ATXN10: variants seen among roughly 807,000 people sequenced by gnomAD.
ATXN10 encodes the protein ataxin-10.
Under a neutral mutation model 52.9 loss-of-function variants are expected in ATXN10, and 28 were observed. The ratio of observed to expected loss-of-function variants is 0.53; its 90% confidence interval spans 0.39 to 0.73. The LOEUF (loss-of-function observed/expected upper bound fraction) is 0.73, where lower values mean the gene tolerates loss of function less well. ATXN10 is among the 30% of genes least tolerant of loss of function. The pLI, the probability that ATXN10 is intolerant of heterozygous loss-of-function variation, is 0.00. For missense variants in ATXN10, 565 were observed against 577.0 expected, an observed-to-expected ratio of 0.98 and a Z score of 0.21; for synonymous variants, 226 against 221.5, an observed-to-expected ratio of 1.02 and a Z score of -0.18.
rs1477959584 is a variant in ATXN10, at chr22:45,681,994, A to C, written c.117-7718A>C. Among the ~76,000 whole-genome samples, 1 of 152,064 alleles carries C rather than the reference A, an allele frequency of 6.6e-6. No homozygotes were observed. Among genetic ancestry groups the C allele is most frequent in the Admixed American group, 6.6e-5 (1 of 15,262 alleles). On this transcript the variant is annotated intron_variant, in intron 1 of 11. Transcript: ENST00000252934. This position sits in a 1 kb window ranked among gnomAD's most constrained non-coding sequence, Gnocchi z 4.2. ...GATTAGCGATCTTGCTCTGAATATG[A>C]GCTCCCCTTAAGTTTGCACTAAATT...
intron 5 of ATXN10, among the ~76,000 whole-genome samples, chr22:45,716,358 G>T (rs1391791659): frequency 2.2e-5 from 3 of 135,894 alleles, no homozygotes; most frequent in Non-Finnish European, 4.6e-5. Context: ...ATAGAGTCTT[G>T]CTCTGTCGCC....
intron 7 of ATXN10, among the ~76,000 whole-genome samples, chr22:45,734,829 A>C (rs995564675): frequency 3.3e-5 from 5 of 150,728 alleles, no homozygotes; most frequent in Non-Finnish European, 5.9e-5. Context: ...TGGAAAAGTT[A>C]CTTAGCCTCT....
rs1436393016 is a variant in ATXN10 at position 45,750,740 on chromosome 22, C to G, written c.1173+10202C>G. ...AAGTTTATAGGTTAGTGGAGGCAGACATAGTTTCCAAACAGACCCAGGAGA... is the reference window on the plus strand; with the variant it reads ...AAGTTTATAGGTTAGTGGAGGCAGAGATAGTTTCCAAACAGACCCAGGAGA... On this transcript the variant is annotated intron_variant, in intron 9 of 11. Transcript: ENST00000252934. This position sits in a 1 kb window ranked among gnomAD's most constrained non-coding sequence, Gnocchi z 4.2. Among the ~76,000 whole-genome samples the G allele has an allele frequency of 6.6e-6, 1 of 152,086 alleles. No homozygotes were observed. The highest frequency in any genetic ancestry group is 1.5e-5 in the Non-Finnish European group (1 of 68,028).
At chr22:45,807,976 A>C (rs890510952) in intron 10 of ATXN10, among the ~76,000 whole-genome samples, 4 of 152,244 alleles carry the variant, frequency 2.6e-5, no homozygotes, top group African/African-American at 9.6e-5. Flanking sequence ...TTTCAAAGTA[A>C]GTAGACTGAG....
At position 45,826,295 on chromosome 22, in the gene ATXN10, C is replaced by G. The variant is rs1015553887; in HGVS notation, c.1238-16696C>G. ...AAGGTTGTAGAAAAGTGAACAGAGCCTAAGGGATATGTGGAACACCATCAA... is the reference window on the plus strand; with the variant it reads ...AAGGTTGTAGAAAAGTGAACAGAGCGTAAGGGATATGTGGAACACCATCAA... On this transcript the variant is annotated intron_variant, in intron 10 of 11. Transcript: ENST00000252934. This position sits in a 1 kb window ranked among gnomAD's most constrained non-coding sequence, Gnocchi z 5.0. Among the ~76,000 whole-genome samples, 18 of 152,120 alleles carry G rather than the reference C, an allele frequency of 1.2e-4. No homozygotes were observed. Among genetic ancestry groups the G allele is most frequent in the Admixed American group, 7.2e-4 (11 of 15,290 alleles).
chr22:45,763,030 C>T lies in ATXN10; in HGVS notation c.1173+22492C>T, dbSNP rs746083327. ...GCATTTAAGAAGCGCTTTGTAAAGC[C>T]ATGGCCTCTCCTGCGCAAAGAACTG... On this transcript the variant is annotated intron_variant, in intron 9 of 11. Transcript: ENST00000252934. This position sits in a 1 kb window ranked among gnomAD's most constrained non-coding sequence, Gnocchi z 6.9. Among the ~76,000 whole-genome samples the T allele has an allele frequency of 2.0e-5, 3 of 152,212 alleles. No individual in the cohort carries two copies. The highest frequency in any genetic ancestry group is 2.9e-5 in the Non-Finnish European group (2 of 68,042).
At chr22:45,687,048 A>G (rs1923172512) in intron 1 of ATXN10, among the ~76,000 whole-genome samples, 1 of 152,176 alleles carries the variant, frequency 6.6e-6, no homozygotes, top group South Asian at 2.1e-4. Flanking sequence ...TGTGCCAAAT[A>G]GATGCTGTCA....
At chr22:45,758,750 T>G (rs908977480) in intron 9 of ATXN10, among the ~76,000 whole-genome samples, 1 of 152,234 alleles carries the variant, frequency 6.6e-6, no homozygotes, top group African/African-American at 2.4e-5. Flanking sequence ...TAGAGCAGTA[T>G]GCGATGTTTT....
At chr22:45,736,405 A>G (rs1925297936) in intron 7 of ATXN10, among the ~76,000 whole-genome samples, 1 of 152,168 alleles carries the variant, frequency 6.6e-6, no homozygotes, top group East Asian at 1.9e-4. Context: ...TATCAAATAA[A>G]TAGTATTCAG....
chr22:45,727,331 A>ATCTATATCTATCTATCTATC lies in ATXN10; in HGVS notation c.729-2093_729-2092insCTATATCTATCTATCTATCT, dbSNP rs1555890579. Among the ~76,000 whole-genome samples, 1 of 146,678 alleles carries ATCTATATCTATCTATCTATC rather than the reference A, an allele frequency of 6.8e-6. No individual in the cohort carries two copies. The highest frequency in any genetic ancestry group is 6.9e-5 in the Admixed American group (1 of 14,588). On this transcript the variant is annotated intron_variant, in intron 6 of 11. Coordinates refer to ENST00000252934, the MANE Select transcript of ATXN10 (RefSeq NM_013236.4). This position sits in a 1 kb window ranked among gnomAD's most constrained non-coding sequence, Gnocchi z 4.6. ...GTTCTGTCTGTCTGTCTATCTATCT[A>ATCTATATCTATCTATCTATC]TATCTATCTATCTATCTATCTATCT...
chr22:45,783,417 ACT>A lies in ATXN10; in HGVS notation c.1174-23537_1174-23536del, dbSNP rs1415016863. 6.6e-6 allele frequency among the ~76,000 whole-genome samples: 1 copy of A among 152,116 alleles called. No individual in the cohort carries two copies. Among genetic ancestry groups the A allele is most frequent in the Non-Finnish European group, 1.5e-5 (1 of 68,022 alleles). On this transcript the variant is annotated intron_variant, in intron 9 of 11. Transcript: ENST00000252934. The surrounding 1 kb of genome is among the most constrained non-coding windows in gnomAD (Gnocchi z 5.0). ...ACGTGAATCCTTGAATGAGGGTACA[ACT>A]CTCTGTTCTTTTCTGAAGCACCAGT...
chr22:45,757,876 G>C lies in ATXN10; in HGVS notation c.1173+17338G>C, dbSNP rs1056164738. The stretch of plus-strand genomic sequence containing the variant: ...TGGCACACTTTCTCCAGTCATATTC[G>C]TTGAGCCTGTATTTATAAAATTGGC... On this transcript the variant is annotated intron_variant, in intron 9 of 11. Transcript: ENST00000252934. This position sits in a 1 kb window ranked among gnomAD's most constrained non-coding sequence, Gnocchi z 4.6. Among the ~76,000 whole-genome samples, 1 of 152,122 alleles carries C rather than the reference G, an allele frequency of 6.6e-6. No homozygotes were observed. Among genetic ancestry groups the C allele is most frequent in the African/African-American group, 2.4e-5 (1 of 41,418 alleles).
chr22:45,768,347 G>T (rs1926660551), intron 9 of ATXN10, among the ~76,000 whole-genome samples: 1 of 151,786 alleles, frequency 6.6e-6, no homozygotes, highest in African/African-American at 2.4e-5. Flanking sequence ...GACCCTTAAA[G>T]TGTTGTCCAT....
At chr22:45,700,925 A>G (rs1317829383) in intron 4 of ATXN10, among the ~76,000 whole-genome samples, 1 of 152,172 alleles carries the variant, frequency 6.6e-6, no homozygotes, top group African/African-American at 2.4e-5. Flanking sequence ...GATGTGGGTA[A>G]CCATTCCATT....
At chr22:45,785,784 G>T (rs920139708) in intron 9 of ATXN10, among the ~76,000 whole-genome samples, 1 of 152,216 alleles carries the variant, frequency 6.6e-6, no homozygotes, top group African/African-American at 2.4e-5. Flanking sequence ...AGACAGTCCT[G>T]TGCAAAGGGG....
intron 9 of ATXN10, among the ~76,000 whole-genome samples, chr22:45,747,262 T>C (rs1925768853): frequency 6.6e-6 from 1 of 152,034 alleles, no homozygotes. Flanking sequence ...AGCAAGCACA[T>C]TGGAAGGCTG....
At chr22:45,736,010 A>G (rs933602663) in intron 7 of ATXN10, among the ~76,000 whole-genome samples, 1 of 152,148 alleles carries the variant, frequency 6.6e-6, no homozygotes. Flanking sequence ...TTTAATGAGT[A>G]AAATTGTGAA....
At chr22:45,802,134 T>A (rs1484347381) in intron 9 of ATXN10, among the ~76,000 whole-genome samples, 3 of 152,248 alleles carry the variant, frequency 2.0e-5, no homozygotes, top group Admixed American at 2.0e-4. Context: ...TGTTGTCCTC[T>A]GTTTACACTT....
Position 45,754,185 on chromosome 22 carries a change from T to G in ATXN10, c.1173+13647T>G, listed in dbSNP as rs1926094638. On this transcript the variant is annotated intron_variant, in intron 9 of 11. Coordinates refer to ENST00000252934, the MANE Select transcript of ATXN10 (RefSeq NM_013236.4). This position sits in a 1 kb window ranked among gnomAD's most constrained non-coding sequence, Gnocchi z 5.4. ...TGAGAGACGACCCACGGAGGTGGGC[T>G]CCAGCAGCTTGGCACGTGTACCTTC... 6.6e-6 allele frequency among the ~76,000 whole-genome samples: 1 copy of G among 152,220 alleles called. No homozygotes were observed. The highest frequency in any genetic ancestry group is 2.4e-5 in the African/African-American group (1 of 41,454).
Sources: allele counts gnomAD v4.1 joint callset (sites outside exome capture counted in the v4.1 genomes callset), GRCh38; gene constraint gnomAD v4.1.1; non-coding constraint Gnocchi (gnomAD v3.1); transcripts MANE v1.5; gene names NCBI Gene and HGNC (gene_info 2026-07-23, HGNC 2026-07-21).